The following PCDHA3 variants were observed in gnomAD, a reference collection of about 807,000 sequenced individuals.
PCDHA3 encodes protocadherin alpha-3.
Under a neutral mutation model 62.2 loss-of-function variants are expected in PCDHA3, and 41 were observed. The ratio of observed to expected loss-of-function variants is 0.66; its 90% CI spans 0.51 to 0.86. The LOEUF (loss-of-function observed/expected upper bound fraction) is 0.86. Among genes scored for constraint, PCDHA3 ranks in the 40% least tolerant of loss-of-function variants. The pLI is 0.00. For synonymous variants in PCDHA3, 640 were observed against 555.4 expected, an observed-to-expected ratio of 1.15 and a Z score of -2.14; for missense variants, 1,304 against 1,241.2, an observed-to-expected ratio of 1.05 and a Z score of -0.76.
chr5:140,830,567 G>A (rs1771136580), intron 1 of PCDHA3: 1 of 951,116 alleles, frequency 1.1e-6, no homozygotes, highest in Non-Finnish European at 1.4e-6. Flanking sequence ...CTATATTTCT[G>A]TTTTTAATTT....
chr5:140,857,665 G>C, intron 1 of PCDHA3: 1 of 1,596,910 alleles, frequency 6.3e-7, no homozygotes, highest in East Asian at 2.2e-5. Flanking sequence ...CGCGCGATGG[G>C]GGCGTGCCGC....
At chr5:140,840,433 C>T (rs1580937674) in intron 1 of PCDHA3, among the ~76,000 whole-genome samples, 1 of 151,660 alleles carries the variant, frequency 6.6e-6, no homozygotes, top group African/African-American at 2.4e-5. Context: ...AGTTTAAAGC[C>T]GTGGAAATAG....
intron 1 of PCDHA3, among the ~76,000 whole-genome samples, chr5:140,907,439 A>G (rs1217956706): frequency 6.6e-6 from 1 of 152,250 alleles, no homozygotes; most frequent in Admixed American, 6.5e-5. Context: ...CTGTGAGTCC[A>G]CAGATGGTAA....
intron 3 of PCDHA3, among the ~76,000 whole-genome samples, chr5:140,989,748 G>A (rs868949345): frequency 1.3e-4 from 20 of 152,192 alleles, no homozygotes; most frequent in African/African-American, 4.8e-4. Context: ...GCCTAATCTG[G>A]AGAAACATAT....
At chr5:140,832,540 C>T (rs1195666281) in intron 1 of PCDHA3, among the ~76,000 whole-genome samples, 1 of 152,172 alleles carries the variant, frequency 6.6e-6, no homozygotes, top group African/African-American at 2.4e-5. Context: ...ATTTGTGTAG[C>T]TAATGATATC....
chr5:140,975,139 C>G (rs2096655397), intron 1 of PCDHA3, among the ~76,000 whole-genome samples: 1 of 152,154 alleles, frequency 6.6e-6, no homozygotes, highest in Non-Finnish European at 1.5e-5. Flanking sequence ...GGCCTGGGGT[C>G]ACTCTCAGTT....
At chr5:140,912,897 G>T (rs782442093) in intron 1 of PCDHA3, among the ~76,000 whole-genome samples, 1 of 152,290 alleles carries the variant, frequency 6.6e-6, no homozygotes, top group East Asian at 1.9e-4. Context: ...TTGATATGAT[G>T]TATCATATTG....
intron 1 of PCDHA3, chr5:140,864,049 A>G (rs2048299792): frequency 6.5e-6 from 1 of 152,910 alleles, no homozygotes; most frequent in Non-Finnish European, 1.5e-5. Flanking sequence ...ACTTTTTACT[A>G]CAGTCACCAT....
At chr5:140,941,215 C>CTTTCTTTCTTTCTTTG (rs2092887387) in intron 1 of PCDHA3, among the ~76,000 whole-genome samples, 2 of 104,510 alleles carry the variant, frequency 1.9e-5, no homozygotes, top group Non-Finnish European at 4.1e-5. Context: ...TTCTTTCTTC[C>CTTTCTTTCTTTCTTTG]TTTCTTTCTT....
At chr5:140,911,030 C>A (rs995736934) in intron 1 of PCDHA3, among the ~76,000 whole-genome samples, 1 of 152,066 alleles carries the variant, frequency 6.6e-6, no homozygotes, top group East Asian at 1.9e-4. Context: ...AGTTATAGGT[C>A]TAGAAGCAAA....
Position 140,928,606 on chromosome 5 carries a change from C to T in PCDHA3, c.2395-50343C>T, listed in dbSNP as rs782809256. ...TTCTGTCCCAGTGGAAATTGTGCCC[C>T]GCTCTGCCAGGACTGGACACTTGGT... On this transcript the variant is annotated intron_variant, in intron 1 of 3. Coordinates refer to ENST00000522353, the MANE Select transcript of PCDHA3 (RefSeq NM_018906.3). 7.4e-6 allele frequency: 12 copies of T among 1,614,204 alleles called. No homozygotes were observed. In the South Asian group the frequency reaches 1.2e-4, roughly 16 times the overall value.
At chr5:140,954,968 G>T (rs531304394) in intron 1 of PCDHA3, among the ~76,000 whole-genome samples, 4 of 152,200 alleles carry the variant, frequency 2.6e-5, no homozygotes, top group African/African-American at 9.6e-5. Context: ...TAAGGAAAGG[G>T]TCCAGTTTCA....
chr5:140,925,395 GCCT>G (rs2082476248), intron 1 of PCDHA3, among the ~76,000 whole-genome samples: 1 of 151,998 alleles, frequency 6.6e-6, no homozygotes, highest in Non-Finnish European at 1.5e-5. Flanking sequence ...CTTTTGGCTC[GCCT>G]CCTTCTTAGG....
intron 1 of PCDHA3, chr5:140,809,289 T>A (rs1764417465): frequency 6.2e-7 from 1 of 1,614,110 alleles, no homozygotes; most frequent in Admixed American, 1.7e-5. Flanking sequence ...GTATACCTGA[T>A]CATTGCCATC....
intron 1 of PCDHA3, chr5:140,809,366 C>T (rs782392679): frequency 6.2e-7 from 1 of 1,613,980 alleles, no homozygotes; most frequent in East Asian, 2.2e-5. Context: ...CTCTGCGCTG[C>T]CCACCGAGGG....
At position 140,928,347 on chromosome 5, in the gene PCDHA3, G is replaced by A. The variant is rs139222568; in HGVS notation, c.2395-50602G>A. 5 of 1,614,148 alleles carry A rather than the reference G, an allele frequency of 3.1e-6. No homozygotes were observed. The African/African-American group carries it at 5.3e-5, about 17-fold the overall frequency. On this transcript the variant is annotated intron_variant, in intron 1 of 3. Coordinates refer to ENST00000522353, the MANE Select transcript of PCDHA3 (RefSeq NM_018906.3). ...ATGGCCTTGTCTCTTATGAGCTGTT[G>A]GATGTTATCTCTGAAGGGCCATCAG...
chr5:140,823,503 G>C, intron 1 of PCDHA3: 1 of 1,613,406 alleles, frequency 6.2e-7, no homozygotes, highest in Non-Finnish European at 8.5e-7. Flanking sequence ...GCGGCGCAGT[G>C]AGCGAGCTGG....
chr5:140,892,069 A>G (rs1554185062), intron 1 of PCDHA3, among the ~76,000 whole-genome samples: 3 of 152,208 alleles, frequency 2.0e-5, no homozygotes, highest in Non-Finnish European at 2.9e-5. Flanking sequence ...GTTACTTTGT[A>G]TAATTTCTAG....
intron 1 of PCDHA3, chr5:140,809,296 C>T: frequency 6.2e-7 from 1 of 1,614,130 alleles, no homozygotes; most frequent in Non-Finnish European, 8.5e-7. Context: ...TGATCATTGC[C>T]ATCTGCGCGG....
Sources: allele counts gnomAD v4.1 joint callset (sites outside exome capture counted in the v4.1 genomes callset), GRCh38; gene constraint gnomAD v4.1.1; transcripts MANE v1.5; gene names NCBI Gene and HGNC (gene_info 2026-07-23, HGNC 2026-07-21).